Variants in SPACA7 observed in about 807,000 individuals in gnomAD.
SPACA7 encodes sperm acrosome associated 7.
SPACA7 carries 19 observed loss-of-function variants against 26.3 expected under a neutral mutation model. The ratio of observed to expected loss-of-function variants is 0.72; its 90% confidence interval spans 0.50 to 1.06. The LOEUF is 1.06. SPACA7 is among the 50% of genes least tolerant of loss of function. The pLI is 0.00. For synonymous variants in SPACA7, 84 were observed against 84.5 expected (o/e 0.99, Z 0.04); for missense variants, 211 against 229.9 (o/e 0.92, Z 0.53).
chr13:112,399,657 G>A (rs1449382253), intron 4 of SPACA7, among the ~76,000 whole-genome samples: 1 of 152,194 alleles, frequency 6.6e-6, no homozygotes, highest in Non-Finnish European at 1.5e-5. Context: ...CCCCATGGAG[G>A]GGCAAAATAC....
intron 6 of SPACA7, among the ~76,000 whole-genome samples, 176 bp from the exon 7 acceptor site, chr13:112,434,309 G>A (rs145808601): frequency 0.01 from 1,523 of 152,260 alleles, 9 homozygotes; most frequent in Non-Finnish European, 0.016. Flanking sequence ...GCAGCCTGAC[G>A]CAGCCAGTGC....
chr13:112,397,053 C>G (rs1260132539), intron 2 of SPACA7, among the ~76,000 whole-genome samples: 1 of 152,234 alleles, frequency 6.6e-6, no homozygotes, highest in Non-Finnish European at 1.5e-5. Flanking sequence ...ATTGCCAAAA[C>G]CCAGCTCTGT....
intron 1 of SPACA7, among the ~76,000 whole-genome samples, chr13:112,392,457 G>A (rs550844692): frequency 6.6e-6 from 1 of 152,296 alleles, no homozygotes; most frequent in East Asian, 1.9e-4. Flanking sequence ...GAGAAAGGGG[G>A]GTGGCCCATC....
intron 5 of SPACA7, among the ~76,000 whole-genome samples, chr13:112,408,385 A>G (rs910556422): frequency 1.3e-5 from 2 of 152,166 alleles, no homozygotes; most frequent in Non-Finnish European, 2.9e-5. Flanking sequence ...CAGGCAGGAG[A>G]AAGAAATAAG....
intron 5 of SPACA7, among the ~76,000 whole-genome samples, chr13:112,414,828 A>G (rs113893459): frequency 0.014 from 2,097 of 152,276 alleles, 46 homozygotes; most frequent in African/African-American, 0.048. Flanking sequence ...TATTTCATCT[A>G]TTTGACGGAG....
chr13:112,420,491 C>A (rs758222285), intron 5 of SPACA7, among the ~76,000 whole-genome samples: 2 of 151,452 alleles, frequency 1.3e-5, no homozygotes, highest in Non-Finnish European at 2.9e-5. Flanking sequence ...AGTTAGCTAT[C>A]TTGAAAATAG....
At chr13:112,376,626 C>A in intron 1 of SPACA7, 147 bp downstream of exon 1, 1 of 893,544 alleles carries the variant, frequency 1.1e-6, no homozygotes, top group Non-Finnish European at 1.6e-6. Flanking sequence ...AAAAGTCTTT[C>A]TATCTTTGAA....
chr13:112,392,229 A>T (rs1409275), intron 1 of SPACA7, among the ~76,000 whole-genome samples: 16,758 of 152,084 alleles, frequency 0.11, 2,181 homozygotes, highest in African/African-American at 0.31. Flanking sequence ...AACTACTGGG[A>T]AGGGGCTAAC....
intron 3 of SPACA7, 129 bp downstream of exon 3, chr13:112,398,267 T>A (rs1421992780): frequency 1.5e-6 from 1 of 679,020 alleles, no homozygotes; most frequent in East Asian, 2.7e-5. Context: ...CAAGGGCACA[T>A]GGAGATGTGA....
intron 5 of SPACA7, among the ~76,000 whole-genome samples, chr13:112,431,292 C>T (rs1250702851): frequency 1.3e-5 from 2 of 152,160 alleles, no homozygotes; most frequent in Non-Finnish European, 2.9e-5. Context: ...GAAAATAGAT[C>T]TGCAACTATC....
intron 5 of SPACA7, among the ~76,000 whole-genome samples, chr13:112,415,777 T>G (rs565701458): frequency 6.6e-6 from 1 of 152,218 alleles, no homozygotes; most frequent in East Asian, 1.9e-4. Flanking sequence ...ACACTGAAAT[T>G]TATTTGGGAC....
At chr13:112,430,809 C>T (rs1181165039) in intron 5 of SPACA7, among the ~76,000 whole-genome samples, 1 of 152,208 alleles carries the variant, frequency 6.6e-6, no homozygotes, top group Non-Finnish European at 1.5e-5. Context: ...CTGGGACTCC[C>T]AAGGGCTAGA....
chr13:112,418,822 C>A lies in SPACA7; in HGVS notation c.446-13622C>A, dbSNP rs542773197. On this transcript the variant is annotated intron_variant, in intron 5 of 6. Coordinates refer to ENST00000283550, the MANE Select transcript of SPACA7 (RefSeq NM_145248.5). ...TCTGATAGAGCATTTGACATAAGTA[C>A]GTTTCAGGTTCTCTACCTCCACTTA... 3.3e-5 allele frequency among the ~76,000 whole-genome samples: 5 copies of A among 152,170 alleles called. No homozygotes were observed. In the East Asian group the frequency reaches 7.7e-4, roughly 24 times the overall value.
intron 1 of SPACA7, among the ~76,000 whole-genome samples, chr13:112,383,608 T>C (rs1268773301): frequency 6.6e-6 from 1 of 152,150 alleles, no homozygotes; most frequent in African/African-American, 2.4e-5. Context: ...TACCTATGAG[T>C]TGAGCAAATT....
intron 5 of SPACA7, among the ~76,000 whole-genome samples, chr13:112,431,589 T>C (rs1012391524): frequency 3.3e-5 from 5 of 152,160 alleles, no homozygotes; most frequent in African/African-American, 1.2e-4. Flanking sequence ...GATTCTTGTT[T>C]CCAAGAAATG....
chr13:112,427,945 G>T (rs1594332138), intron 5 of SPACA7, among the ~76,000 whole-genome samples: 1 of 152,048 alleles, frequency 6.6e-6, no homozygotes, highest in Non-Finnish European at 1.5e-5. Context: ...CTGATTTGAG[G>T]TTCATCCATT....
At chr13:112,421,186 C>A (rs1387590885) in intron 5 of SPACA7, among the ~76,000 whole-genome samples, 1 of 101,348 alleles carries the variant, frequency 9.9e-6, no homozygotes, top group Non-Finnish European at 2.0e-5. Flanking sequence ...ACTTGAAATA[C>A]AATTGAATCT....
chr13:112,413,860 A>G (rs768250661), intron 5 of SPACA7, among the ~76,000 whole-genome samples: 24 of 152,176 alleles, frequency 1.6e-4, no homozygotes, highest in Non-Finnish European at 3.1e-4. Flanking sequence ...TATAAAGAAA[A>G]GAGGTTTATT....
chr13:112,405,957 A>T (rs1244609997), intron 5 of SPACA7, among the ~76,000 whole-genome samples: 3 of 152,204 alleles, frequency 2.0e-5, no homozygotes, highest in African/African-American at 2.4e-5. Flanking sequence ...TTTCTCTGCC[A>T]TAAGGACCAC....
Sources: allele counts gnomAD v4.1 joint callset (sites outside exome capture counted in the v4.1 genomes callset), GRCh38; gene constraint gnomAD v4.1.1; transcripts MANE v1.5; gene names NCBI Gene and HGNC (gene_info 2026-07-23, HGNC 2026-07-21).